TMED10: variants seen among roughly 807,000 people sequenced by gnomAD.
TMED10 encodes the protein transmembrane emp24 domain-containing protein 10.
A neutral mutation model predicts 23.1 loss-of-function variants in TMED10; 7 were observed. The observed-to-expected ratio is 0.30, with a 90% CI of 0.17 to 0.57. The LOEUF is 0.57. Among genes scored for constraint, TMED10 ranks in the 20% least tolerant of loss-of-function variants. The pLI is 0.91. For synonymous variants in TMED10, 113 were observed against 106.9 expected, an observed-to-expected ratio of 1.06 and a Z score of -0.35; for missense variants, 162 against 274.8, an observed-to-expected ratio of 0.59 and a Z score of 2.90.
rs774366885 is a variant in TMED10, at chr14:75,135,741, G to C, written c.538+19C>G. The C allele has an allele frequency of 9.5e-5, 153 of 1,610,910 alleles. No homozygotes were observed. Among genetic ancestry groups the C allele is most frequent in the Non-Finnish European group, 1.3e-4 (151 of 1,179,202 alleles). ...CATTTATGGGTCACTTAAGAAGTAA[G>C]AGTCGCCTTCCCCCTCACCGTTGGT... On this transcript the variant is annotated intron_variant, in intron 4 of 4. Transcript: ENST00000303575.
intron 3 of TMED10, among the ~76,000 whole-genome samples, chr14:75,140,307 G>T (rs952904356): frequency 1.3e-5 from 2 of 152,152 alleles, no homozygotes; most frequent in East Asian, 2.0e-4. Flanking sequence ...CACCATGTTG[G>T]TCAGGCTGGT....
At chr14:75,147,490 G>A (rs372875513) in intron 3 of TMED10, 174 bp downstream of exon 3, 8 of 736,650 alleles carry the variant, frequency 1.1e-5, no homozygotes, top group East Asian at 7.5e-5. Flanking sequence ...CACCGCGCCC[G>A]GCTAAGGCTG....
chr14:75,150,435 C>T (rs1252489618), intron 2 of TMED10, among the ~76,000 whole-genome samples: 2 of 152,234 alleles, frequency 1.3e-5, no homozygotes, highest in East Asian at 3.8e-4. Context: ...GGTCTTCCAA[C>T]TACCTCCCTG....
intron 3 of TMED10, among the ~76,000 whole-genome samples, chr14:75,147,342 C>T (rs1019658998): frequency 2.0e-5 from 3 of 151,934 alleles, no homozygotes; most frequent in African/African-American, 7.3e-5. Context: ...TACAGGCGCA[C>T]GCCACCACTC....
chr14:75,139,779 T>A (rs1594864707), intron 3 of TMED10, among the ~76,000 whole-genome samples: 1 of 152,154 alleles, frequency 6.6e-6, no homozygotes, highest in East Asian at 1.9e-4. Context: ...CTCATGATAC[T>A]AATTTAAAAT....
intron 3 of TMED10, among the ~76,000 whole-genome samples, chr14:75,142,652 G>C (rs1296206865): frequency 6.6e-6 from 1 of 151,986 alleles, no homozygotes; most frequent in East Asian, 1.9e-4. Flanking sequence ...CACTAGTTTG[G>C]CTCCTGAACT....
chr14:75,158,409 C>T (rs992717708), intron 1 of TMED10, among the ~76,000 whole-genome samples: 1 of 152,102 alleles, frequency 6.6e-6, no homozygotes, highest in Non-Finnish European at 1.5e-5. Context: ...CTTACTGCAG[C>T]CTCAACCTCG....
chr14:75,142,202 GT>G (rs1217289475), intron 3 of TMED10, among the ~76,000 whole-genome samples: 2 of 152,198 alleles, frequency 1.3e-5, no homozygotes, highest in Non-Finnish European at 2.9e-5. Context: ...CCAATAGGGG[GT>G]GATATCCCCC....
chr14:75,147,522 G>T, intron 3 of TMED10, 142 bp downstream of exon 3: 1 of 897,224 alleles, frequency 1.1e-6, no homozygotes, highest in South Asian at 1.4e-5. Flanking sequence ...TTTTGTATCA[G>T]TAAGATCATG....
chr14:75,161,753 C>T (rs913820319), intron 1 of TMED10, among the ~76,000 whole-genome samples: 1 of 151,742 alleles, frequency 6.6e-6, no homozygotes, highest in Non-Finnish European at 1.5e-5. Context: ...TCACAGAATT[C>T]CACCCTTACT....
In TMED10 at chr14:75,176,529, C is replaced by T. The variant is rs1037640439; in HGVS notation, c.51G>A (p.Ala17=). The T allele has an allele frequency of 5.6e-6, 9 of 1,614,056 alleles. No homozygotes were observed. Among genetic ancestry groups the T allele is most frequent in the South Asian group, 1.1e-5 (1 of 91,088 alleles). Residue 17 remains alanine, a synonymous_variant, in exon 1 of 5, where the codon GCG becomes GCA. Transcript: ENST00000303575. ...PPARRGPFPL[A]LLLLFLLGPR... is the part of the protein sequence containing the mutation. ...GGCCGAGCAGGAACAAAAGCAGCAA[C>T]GCTAACGGAAAAGGGCCGCGCCGGG...
intron 3 of TMED10, 24 bp from the exon 4 acceptor site, chr14:75,135,910 A>C: frequency 6.2e-7 from 1 of 1,612,060 alleles, no homozygotes; most frequent in Admixed American, 1.7e-5. Flanking sequence ...GAATATTTTC[A>C]GCTCTCTGAA....
chr14:75,161,086 A>G (rs557212838), intron 1 of TMED10, among the ~76,000 whole-genome samples: 4 of 152,190 alleles, frequency 2.6e-5, no homozygotes, highest in Non-Finnish European at 5.9e-5. Context: ...TTTTATATGC[A>G]GAGTAGGTGA....
In TMED10 at chr14:75,176,508, G is replaced by A. The variant is rs1299365045; in HGVS notation, c.72C>T (p.Leu24=). The stretch of plus-strand genomic sequence containing the variant: ...AGATGGCAAGGACCAATCTGGGGCC[G>A]AGCAGGAACAAAAGCAGCAACGCTA... ...FPLALLLLFL[L]GPRLVLAISF... Residue 24 remains leucine, a synonymous_variant, in exon 1 of 5, where the codon CTC becomes CTT. Transcript: ENST00000303575. 2.5e-6 allele frequency: 4 copies of A among 1,614,202 alleles called. No individual in the cohort carries two copies. Among genetic ancestry groups the A allele is most frequent in the East Asian group, 4.5e-5 (2 of 44,884 alleles).
intron 3 of TMED10, among the ~76,000 whole-genome samples, chr14:75,146,587 C>T (rs773528013): frequency 3.3e-5 from 5 of 152,064 alleles, no homozygotes; most frequent in African/African-American, 1.2e-4. Flanking sequence ...TTCAAAGGTG[C>T]CCTTCATTTG....
intron 3 of TMED10, among the ~76,000 whole-genome samples, chr14:75,141,193 T>C (rs1383108575): frequency 6.6e-6 from 1 of 152,120 alleles, no homozygotes; most frequent in African/African-American, 2.4e-5. Flanking sequence ...TAACAGGAAG[T>C]GGGTGAGCTG....
At chr14:75,154,401 CAAAAAAAAA>C (rs1166201835) in intron 1 of TMED10, among the ~76,000 whole-genome samples, 839 of 15,108 alleles carry the variant, frequency 0.056, 14 homozygotes, top group Non-Finnish European at 0.075. Flanking sequence ...GACTCTGTCT[CAAAAAAAAA>C]AAAAAAAAAA....
intron 1 of TMED10, among the ~76,000 whole-genome samples, chr14:75,157,294 G>A (rs531805393): frequency 2.0e-5 from 3 of 152,304 alleles, no homozygotes; most frequent in Non-Finnish European, 2.9e-5. Context: ...ATGGAAACTG[G>A]TCTTGTTATT....
intron 3 of TMED10, among the ~76,000 whole-genome samples, chr14:75,138,820 T>TC (rs1377748182): frequency 1.9e-5 from 2 of 102,836 alleles, no homozygotes; most frequent in Admixed American, 2.5e-4. Context: ...TTCTTTTTTT[T>TC]TTTTTTTTTT....
Sources: allele counts gnomAD v4.1 joint callset (sites outside exome capture counted in the v4.1 genomes callset), GRCh38; gene constraint gnomAD v4.1.1; transcripts MANE v1.5; gene names NCBI Gene and HGNC (gene_info 2026-07-23, HGNC 2026-07-21).